FRMD3: variants seen among roughly 807,000 people sequenced by gnomAD.
FRMD3 encodes FERM domain containing 3, also known as FERM domain-containing protein 3.
Under a neutral mutation model 70.2 loss-of-function variants are expected in FRMD3, and 33 were observed. The observed-to-expected ratio is 0.47, with a 90% CI of 0.36 to 0.63. The LOEUF is 0.63. Among genes scored for constraint, FRMD3 ranks in the 20% least tolerant of loss-of-function variants. The probability of loss-of-function intolerance (pLI) is 0.00; values close to 1 mark genes in which losing one functional copy is unlikely to be tolerated. For missense variants in FRMD3, 632 were observed against 711.4 expected, an observed-to-expected ratio of 0.89 and a Z score of 1.27; for synonymous variants, 279 against 255.9, an observed-to-expected ratio of 1.09 and a Z score of -0.86.
chr9:83,416,745 GTCTCTCTCTCTCTCTCTCTC>G (rs1184226415), intron 1 of FRMD3, among the ~76,000 whole-genome samples: 2 of 102,234 alleles, frequency 2.0e-5, no homozygotes, highest in Admixed American at 2.3e-4. Context: ...ATTTCTCTCT[GTCTCTCTCTCTCTCTCTCTC>G]TCTCTCTCTC....
chr9:83,421,775 TA>T (rs1429980748), intron 1 of FRMD3, among the ~76,000 whole-genome samples: 2 of 152,218 alleles, frequency 1.3e-5, no homozygotes, highest in African/African-American at 4.8e-5. Flanking sequence ...GTAGCATAAT[TA>T]TGCAGCAAAT....
intron 5 of FRMD3, among the ~76,000 whole-genome samples, chr9:83,337,095 C>T (rs1823604996): frequency 6.6e-6 from 1 of 152,172 alleles, no homozygotes. Context: ...TGCTTATGTG[C>T]TAGCCTACTA....
At chr9:83,492,641 G>A (rs1828854527) in intron 1 of FRMD3, among the ~76,000 whole-genome samples, 1 of 152,182 alleles carries the variant, frequency 6.6e-6, no homozygotes, top group South Asian at 2.1e-4. Context: ...GGGGGCAGGT[G>A]CCCCAACTCT....
intron 13 of FRMD3, among the ~76,000 whole-genome samples, chr9:83,272,134 C>G (rs545873233): frequency 2.9e-4 from 44 of 151,946 alleles, no homozygotes; most frequent in African/African-American, 9.4e-4. Context: ...TCTCTCTCCA[C>G]GGTCTCCCTC....
At chr9:83,322,184 T>C (rs1472530133) in intron 6 of FRMD3, among the ~76,000 whole-genome samples, 1 of 151,908 alleles carries the variant, frequency 6.6e-6, no homozygotes, top group South Asian at 2.1e-4. Context: ...CAGCAGCCCA[T>C]TGCAGGGCAG....
At chr9:83,343,996 T>C (rs1587747675) in intron 4 of FRMD3, among the ~76,000 whole-genome samples, 1 of 152,254 alleles carries the variant, frequency 6.6e-6, no homozygotes, top group African/African-American at 2.4e-5. Context: ...TCCAGCCTAG[T>C]GCTGCCACTA....
chr9:83,465,116 G>A (rs76488807), intron 1 of FRMD3, among the ~76,000 whole-genome samples: 2,932 of 151,894 alleles, frequency 0.019, 95 homozygotes, highest in African/African-American at 0.066. Context: ...AAGCTGAACT[G>A]GCCCTTCATT....
At chr9:83,349,635 C>T in intron 4 of FRMD3, 44 bp downstream of exon 4, 1 of 1,382,862 alleles carries the variant, frequency 7.2e-7, no homozygotes. Context: ...GAGATTCTGG[C>T]TGGTTAAAGG....
At chr9:83,452,206 T>G (rs1827679741) in intron 1 of FRMD3, among the ~76,000 whole-genome samples, 1 of 152,160 alleles carries the variant, frequency 6.6e-6, no homozygotes, top group Non-Finnish European at 1.5e-5. Flanking sequence ...ACTATTGATA[T>G]CCTCCTGTGT....
intron 13 of FRMD3, among the ~76,000 whole-genome samples, chr9:83,249,555 A>G (rs1365768861): frequency 6.6e-6 from 1 of 152,208 alleles, no homozygotes; most frequent in Non-Finnish European, 1.5e-5. Flanking sequence ...TTCAAGGTGT[A>G]CAGGCATAAC....
Position 83,315,772 on chromosome 9 carries a change from A to G in FRMD3, c.597-2025T>C, listed in dbSNP as rs888558761. Among the ~76,000 whole-genome samples, 11 of 152,290 alleles carry G rather than the reference A, an allele frequency of 7.2e-5. No individual in the cohort carries two copies. In the South Asian group the frequency reaches 2.3e-3, roughly 32 times the overall value. On this transcript the variant is annotated intron_variant, in intron 6 of 13. Transcript: ENST00000304195. ...TAATACAACATGTATCAGTAACTTG[A>G]CTGGGGGCCGAAGGTTCTAGTTCTA... is the stretch of plus-strand genomic sequence containing the variant.
chr9:83,311,177 C>G (rs1420607010), intron 8 of FRMD3, among the ~76,000 whole-genome samples: 2 of 152,042 alleles, frequency 1.3e-5, no homozygotes, highest in African/African-American at 2.4e-5. Flanking sequence ...AGGGGCTGCT[C>G]TCCTCCAGGC....
the FRMD3 span, among the ~76,000 whole-genome samples, chr9:83,560,350 G>A: frequency 2.0e-5 from 3 of 152,240 alleles, no homozygotes; most frequent in South Asian, 2.1e-4. Context: ...GCTCATTCTC[G>A]TGCACTTCTA....
At chr9:83,310,416 C>T in intron 9 of FRMD3, 69 bp downstream of exon 9, 1 of 1,193,462 alleles carries the variant, frequency 8.4e-7, no homozygotes, top group Non-Finnish European at 1.2e-6. Flanking sequence ...ATACTAAAGG[C>T]ATATTTTACT....
At chr9:83,582,322 T>C in the FRMD3 span, among the ~76,000 whole-genome samples, 1 of 152,210 alleles carries the variant, frequency 6.6e-6, no homozygotes, top group Non-Finnish European at 1.5e-5. Flanking sequence ...AGTGAAAAGA[T>C]ATTCAGTGGA....
At chr9:83,369,577 A>AAAATAAT (rs374306822) in intron 3 of FRMD3, among the ~76,000 whole-genome samples, 59 of 142,166 alleles carry the variant, frequency 4.2e-4, no homozygotes, top group African/African-American at 1.4e-3. Flanking sequence ...ACTCTGTCTC[A>AAAATAAT]AAATAAATAA....
At chr9:83,253,422 AAAAC>A (rs1263154650) in intron 13 of FRMD3, among the ~76,000 whole-genome samples, 1 of 152,216 alleles carries the variant, frequency 6.6e-6, no homozygotes, top group African/African-American at 2.4e-5. Context: ...AAAGATCTCA[AAAAC>A]AAACAACCCC....
rs1471296053 is a variant in FRMD3 at position 83,389,626 on chromosome 9, T to C, written c.230A>G (p.Tyr77Cys). 6.2e-7 allele frequency: 1 copy of C among 1,613,622 alleles called. No homozygotes were observed. The highest frequency in any genetic ancestry group is 1.1e-5 in the South Asian group (1 of 91,072). ...TACCCTTTGCTTCTCTGGGTCCACA[T>C]AGCGAATGCCAAAGTAGTCCTTCTC... ...LLEKDYFGIR[Y>C]VDPEKQRHWL... is the part of the protein sequence containing the mutation. Residue 77 changes from tyrosine (Y) to cysteine (C), a missense_variant, in exon 2 of 14, where the codon TAT becomes TGT. Transcript: ENST00000304195.
chr9:83,510,193 G>C (rs7862471), intron 1 of FRMD3, among the ~76,000 whole-genome samples: 55,237 of 151,956 alleles, frequency 0.36, 10,851 homozygotes, highest in Middle Eastern at 0.45. Context: ...GCTCCAGAGA[G>C]AGTCTTCTCA....
Sources: allele counts gnomAD v4.1 joint callset (sites outside exome capture counted in the v4.1 genomes callset), GRCh38; gene constraint gnomAD v4.1.1; transcripts MANE v1.5; gene names NCBI Gene and HGNC (gene_info 2026-07-23, HGNC 2026-07-21).